The following GET1 variants were observed in gnomAD, a reference collection of about 807,000 sequenced individuals.
GET1 encodes the protein congenital heart disease 5 protein.
A neutral mutation model predicts 22.6 loss-of-function variants in GET1; 20 were observed. That is an observed-to-expected ratio of 0.89 (90% CI 0.62 to 1.29). The LOEUF is 1.29. GET1 is among the 50% of genes most tolerant of loss of function. The pLI, the probability that GET1 is intolerant of heterozygous loss-of-function variation, is 0.00. For missense variants in GET1, 209 were observed against 219.9 expected (o/e 0.95, Z 0.31); for synonymous variants, 92 against 83.8 (o/e 1.10, Z -0.53).
intron 1 of GET1, among the ~76,000 whole-genome samples, chr21:39,416,896 TTC>T (rs1240692625): frequency 6.6e-6 from 1 of 152,220 alleles, no homozygotes; most frequent in Admixed American, 6.5e-5. Context: ...TTGGAATGGC[TTC>T]TTTCTGTGGC....
Position 39,380,333 on chromosome 21 carries a change from T to C in GET1, c.-52T>C. 1 of 1,552,744 alleles carries C rather than the reference T, an allele frequency of 6.4e-7. No individual in the cohort carries two copies. Among genetic ancestry groups the C allele is most frequent in the African/African-American group, 1.4e-5 (1 of 73,444 alleles). Reference sequence around the variant, plus strand: ...GCAGGCGCGGTCGCCGCTGTTGTTGTGGTCCCCATGGAGCTGCCGTAGCGG... The same window carrying C: ...GCAGGCGCGGTCGCCGCTGTTGTTGCGGTCCCCATGGAGCTGCCGTAGCGG... On this transcript the variant is annotated 5_prime_UTR_variant, in exon 1 of 5. Transcript: ENST00000649170.
At chr21:39,401,134 C>G (rs1431335736), downstream of GET1, among the ~76,000 whole-genome samples, 1 of 151,988 alleles carries the variant, frequency 6.6e-6, no homozygotes, top group Admixed American at 6.6e-5. Flanking sequence ...AGGTTGGTCT[C>G]GAACTCCTGG....
intron 3 of GET1, 138 bp downstream of exon 3, chr21:39,391,974 C>T (rs938013868): frequency 2.4e-5 from 17 of 718,730 alleles, no homozygotes; most frequent in Admixed American, 1.7e-4. Flanking sequence ...CCACATGGAG[C>T]TCTAAACACT....
rs148271780 is a variant in GET1, at chr21:39,394,684, T to C, written c.451+1404T>C. Among the ~76,000 whole-genome samples the C allele has an allele frequency of 3.4e-3, 519 of 152,260 alleles. 3 individuals are homozygous for C. Among genetic ancestry groups the C allele is most frequent in the African/African-American group, 0.012 (486 of 41,528 alleles). ...GTCCTTGCATGGTGGAAGGACAAGC[T>C]CCTTTAGGCCTCTTTTATAAGGGCA... On this transcript the variant is annotated intron_variant, in intron 4 of 4. Transcript: ENST00000649170.
intron 3 of GET1, 37 bp from the exon 4 acceptor site, chr21:39,393,129 T>G (rs2038415163): frequency 6.4e-7 from 1 of 1,563,630 alleles, no homozygotes; most frequent in Non-Finnish European, 8.8e-7. Context: ...GTTGTGTGAT[T>G]GGCAGGCTGC....
At chr21:39,383,629 A>G (rs1400424238) in intron 1 of GET1, among the ~76,000 whole-genome samples, 3 of 148,618 alleles carry the variant, frequency 2.0e-5, no homozygotes, top group African/African-American at 7.5e-5. Context: ...CCCAGGCTGG[A>G]GTGCAGTGGC....
chr21:39,396,983 T>C lies in GET1; in HGVS notation c.*44T>C, dbSNP rs1161206191. 6.3e-7 allele frequency: 1 copy of C among 1,595,614 alleles called. No homozygotes were observed. The highest frequency in any genetic ancestry group is 1.3e-5 in the African/African-American group (1 of 74,418). On this transcript the variant is annotated 3_prime_UTR_variant, in exon 5 of 5. Transcript: ENST00000649170. ...CCGCGAGGCTAAAAAACGGATTTCC[T>C]CTTCCTAGCTTAAAATCTGATTTAC...
chr21:39,413,262 C>T (rs2040426140), intron 1 of GET1, among the ~76,000 whole-genome samples: 1 of 152,182 alleles, frequency 6.6e-6, no homozygotes, highest in Non-Finnish European at 1.5e-5. Flanking sequence ...TATGTTTTCT[C>T]TCATGCCCAG....
exon 5 of GET1, chr21:39,406,600 T>G: frequency 6.3e-7 from 1 of 1,578,220 alleles, no homozygotes; most frequent in Non-Finnish European, 8.6e-7. Flanking sequence ...ATGTTTCTCT[T>G]CCCCTGATAA....
At chr21:39,393,329 T>C (rs745479891) in intron 4 of GET1, 49 bp downstream of exon 4, 2 of 1,432,746 alleles carry the variant, frequency 1.4e-6, no homozygotes, top group South Asian at 1.2e-5. Context: ...TAGGCTTATG[T>C]AGAGGTGTGT....
chr21:39,410,491 C>A, downstream of GET1: 1 of 563,354 alleles, frequency 1.8e-6, no homozygotes, highest in Non-Finnish European at 3.1e-6. Context: ...TCTAAATATT[C>A]AATATATATA....
At chr21:39,392,961 T>A (rs894254104) in intron 3 of GET1, 1 of 527,454 alleles carries the variant, frequency 1.9e-6, no homozygotes, top group African/African-American at 1.9e-5. Flanking sequence ...TCGTCTTTAA[T>A]TTGACTTTCT....
intron 1 of GET1, 93 bp downstream of exon 1, chr21:39,380,579 A>G: frequency 6.5e-7 from 1 of 1,531,388 alleles, no homozygotes; most frequent in Non-Finnish European, 8.8e-7. Context: ...CAACTGGGCG[A>G]CTGAAGGCCG....
intron 1 of GET1, among the ~76,000 whole-genome samples, chr21:39,384,325 C>T (rs1449244637): frequency 1.3e-5 from 2 of 151,714 alleles, no homozygotes; most frequent in Non-Finnish European, 1.5e-5. Context: ...GGCGCTATCT[C>T]GGCTCACTGC....
chr21:39,411,742 G>A (rs1050091193), intron 1 of GET1: 17 of 1,566,090 alleles, frequency 1.1e-5, no homozygotes, highest in Non-Finnish European at 1.4e-5. Flanking sequence ...TCTGTGTCAT[G>A]TAAATTTTTA....
downstream of GET1, chr21:39,410,398 C>T (rs1203769457): frequency 2.7e-6 from 3 of 1,122,038 alleles, no homozygotes; most frequent in African/African-American, 3.1e-5. Flanking sequence ...ATGTAAGAAA[C>T]ATATTTTACA....
At chr21:39,412,923 G>T (rs2040360044) in intron 1 of GET1, among the ~76,000 whole-genome samples, 1 of 152,192 alleles carries the variant, frequency 6.6e-6, no homozygotes, top group African/African-American at 2.4e-5. Flanking sequence ...ACCTGTGGAG[G>T]GAGCTGCACC....
chr21:39,411,642 A>ATTT, intron 1 of GET1: 14 of 691,896 alleles, frequency 2.0e-5, no homozygotes, highest in Middle Eastern at 8.0e-4. Flanking sequence ...AATATCCATT[A>ATTT]TTTTGTCTAT....
At chr21:39,387,550 G>A (rs1004667809) in intron 1 of GET1, among the ~76,000 whole-genome samples, 4 of 152,130 alleles carry the variant, frequency 2.6e-5, no homozygotes, top group Non-Finnish European at 4.4e-5. Context: ...ATAGTGCTGG[G>A]TAGTGGCCAG....
Sources: gnomAD v4.1 joint callset for allele counts (sites outside exome capture counted in the v4.1 genomes callset) on GRCh38, gnomAD v4.1.1 for gene constraint, MANE v1.5 for transcripts, NCBI Gene and HGNC (gene_info 2026-07-23, HGNC 2026-07-21) for gene names.